Variants in CPNE4 observed in about 807,000 individuals in gnomAD.
CPNE4 encodes copine-4.
A neutral mutation model predicts 67.9 loss-of-function variants in CPNE4; 25 were observed. The observed-to-expected ratio is 0.37, with a 90% confidence interval of 0.27 to 0.51. The LOEUF (loss-of-function observed/expected upper bound fraction) is 0.51, where lower values mean the gene tolerates loss of function less well. CPNE4 is among the 20% of genes least tolerant of loss of function. The pLI, the probability that CPNE4 is intolerant of heterozygous loss-of-function variation, is 0.93. For missense variants in CPNE4, 464 were observed against 690.8 expected, an observed-to-expected ratio of 0.67 and a Z score of 3.68; for synonymous variants, 242 against 244.9, an observed-to-expected ratio of 0.99 and a Z score of 0.11.
chr3:131,958,002 T>C (rs924083885), intron 1 of CPNE4, among the ~76,000 whole-genome samples: 30 of 151,964 alleles, frequency 2.0e-4, no homozygotes, highest in African/African-American at 6.8e-4. Flanking sequence ...TACCTGAGAG[T>C]TTGATAGAAA....
chr3:131,765,536 C>T (rs1486540337), intron 2 of CPNE4, among the ~76,000 whole-genome samples: 1 of 152,012 alleles, frequency 6.6e-6, no homozygotes, highest in Non-Finnish European at 1.5e-5. Flanking sequence ...ATTACCTAGC[C>T]CAGACCCTAA....
At chr3:131,728,987 A>T (rs1560195537) in intron 2 of CPNE4, among the ~76,000 whole-genome samples, 1 of 151,890 alleles carries the variant, frequency 6.6e-6, no homozygotes, top group African/African-American at 2.4e-5. Flanking sequence ...TACAATGGCC[A>T]TCTATTCTCT....
chr3:131,603,202 G>A (rs73874161), intron 7 of CPNE4, among the ~76,000 whole-genome samples: 2,220 of 152,240 alleles, frequency 0.015, 45 homozygotes, highest in African/African-American at 0.05. Flanking sequence ...CCCACACTGT[G>A]TTGGGAAATG....
chr3:131,935,492 G>T (rs1189652639), intron 1 of CPNE4, among the ~76,000 whole-genome samples: 1 of 152,122 alleles, frequency 6.6e-6, no homozygotes, highest in Non-Finnish European at 1.5e-5. Flanking sequence ...TAGAATAAAT[G>T]GGGTAGAGGA....
At chr3:131,994,759 TG>T (rs2073247384) in intron 1 of CPNE4, among the ~76,000 whole-genome samples, 1 of 152,140 alleles carries the variant, frequency 6.6e-6, no homozygotes, top group Non-Finnish European at 1.5e-5. Flanking sequence ...ACTGGGGAGA[TG>T]GATAAAACAG....
upstream of CPNE4, among the ~76,000 whole-genome samples, chr3:132,035,916 A>G (rs2074331247): frequency 1.3e-5 from 2 of 152,128 alleles, no homozygotes; most frequent in African/African-American, 4.8e-5. Context: ...TCACCCTATT[A>G]AGGGGCTATC....
intron 5 of CPNE4, among the ~76,000 whole-genome samples, chr3:131,691,587 T>C (rs1583028965): frequency 6.6e-6 from 1 of 152,112 alleles, no homozygotes; most frequent in African/African-American, 2.4e-5. Flanking sequence ...AACTACCTAT[T>C]GGGTCCTATG....
intron 1 of CPNE4, among the ~76,000 whole-genome samples, chr3:131,999,916 C>T (rs900064950): frequency 1.3e-5 from 2 of 151,912 alleles, no homozygotes; most frequent in African/African-American, 4.8e-5. Context: ...ATTTCTTTTC[C>T]TCCATTCAAT....
chr3:131,983,526 T>C (rs1448765378), intron 1 of CPNE4, among the ~76,000 whole-genome samples: 1 of 152,184 alleles, frequency 6.6e-6, no homozygotes, highest in African/African-American at 2.4e-5. Flanking sequence ...GTCTTCCAGT[T>C]AAGCATTTAC....
chr3:131,981,046 G>A (rs905812880), intron 1 of CPNE4, among the ~76,000 whole-genome samples: 13 of 152,128 alleles, frequency 8.5e-5, no homozygotes, highest in East Asian at 3.9e-4. Context: ...GATGTGAACC[G>A]TCTATGGGTC....
chr3:131,850,896 G>T (rs1227044359), intron 2 of CPNE4, among the ~76,000 whole-genome samples: 2 of 152,082 alleles, frequency 1.3e-5, no homozygotes. Flanking sequence ...TCAGAGCTAT[G>T]CTCTTAACCA....
At chr3:131,949,813 T>C (rs897427801) in intron 1 of CPNE4, among the ~76,000 whole-genome samples, 4 of 152,204 alleles carry the variant, frequency 2.6e-5, no homozygotes, top group African/African-American at 9.6e-5. Context: ...CCTTTTAAAA[T>C]ATTGTATATT....
At chr3:131,661,339 G>T (rs546916491) in intron 7 of CPNE4, among the ~76,000 whole-genome samples, 4 of 152,278 alleles carry the variant, frequency 2.6e-5, no homozygotes, top group African/African-American at 9.6e-5. Flanking sequence ...GAAAACACAG[G>T]TTCTTAATTT....
At chr3:131,917,303 G>A (rs2085151864) in intron 1 of CPNE4, among the ~76,000 whole-genome samples, 1 of 152,208 alleles carries the variant, frequency 6.6e-6, no homozygotes. Flanking sequence ...TGCTATGGAT[G>A]AAAACAAAGA....
Position 131,905,375 on chromosome 3 carries a change from C to G in CPNE4, c.69G>C (p.Leu23=). 6 of 1,613,524 alleles carry G rather than the reference C, an allele frequency of 3.7e-6. No homozygotes were observed. The highest frequency in any genetic ancestry group is 5.1e-6 in the Non-Finnish European group (6 of 1,179,686). Residue 23 remains leucine (L), a synonymous_variant, in exon 2 of 16, where the codon CTG becomes CTC. Transcript: ENST00000429747. ...NTLGIFNSPC[L]TKVELRVACK... ...ACGCCACACGCAGCTCAACTTTGGT[C>G]AGGCAGGGGCTGTTAAAGATTCCCA...
rs1230938060 is a variant in CPNE4, at chr3:131,649,569, C to T, written c.681+20106G>A. On this transcript the variant is annotated intron_variant, in intron 7 of 15. Transcript: ENST00000429747. ...TTATTCTTTCTAATCTCCAGGCTGA[C>T]GTTCAAGTCTCTTGCCTTTCACTTC... Among the ~76,000 whole-genome samples, 5 of 152,162 alleles carry T rather than the reference C, an allele frequency of 3.3e-5. No homozygotes were observed. The East Asian group carries it at 5.8e-4, about 18-fold the overall frequency.
chr3:131,763,915 T>C (rs2082948565), intron 2 of CPNE4, among the ~76,000 whole-genome samples: 1 of 152,140 alleles, frequency 6.6e-6, no homozygotes, highest in Non-Finnish European at 1.5e-5. Flanking sequence ...GCATCCAATA[T>C]TGTTTTTAGC....
At chr3:131,718,000 T>C (rs7610884) in intron 3 of CPNE4, among the ~76,000 whole-genome samples, 51,028 of 148,822 alleles carry the variant, frequency 0.34, 9,159 homozygotes, top group Non-Finnish European at 0.39. Flanking sequence ...TCTCTGTCTC[T>C]CTCTCTTTCT....
intron 1 of CPNE4, among the ~76,000 whole-genome samples, chr3:131,992,929 T>C (rs533444698): frequency 1.5e-5 from 2 of 136,300 alleles, no homozygotes; most frequent in African/African-American, 4.9e-5. Flanking sequence ...CCTTCTGCCA[T>C]GATTGTAAGT....
Sources: gnomAD v4.1 joint callset for allele counts (sites outside exome capture counted in the v4.1 genomes callset) on GRCh38, gnomAD v4.1.1 for gene constraint, MANE v1.5 for transcripts, NCBI Gene and HGNC (gene_info 2026-07-23, HGNC 2026-07-21) for gene names.